The following GFRA1 variants were observed in gnomAD, a reference collection of about 807,000 sequenced individuals.
GFRA1 encodes the protein GDNF family receptor alpha-1.
GFRA1 carries 16 observed loss-of-function variants against 51.6 expected under a neutral mutation model. The ratio of observed to expected loss-of-function variants is 0.31; its 90% confidence interval spans 0.21 to 0.47. The LOEUF is 0.47. Ranked by LOEUF, GFRA1 falls within the 20% of genes least tolerant of loss-of-function variation. GFRA1 has a pLI of 1.00. For missense variants in GFRA1, 530 were observed against 594.3 expected (o/e 0.89, Z 1.13); for synonymous variants, 270 against 241.3 (o/e 1.12, Z -1.10).
intron 9 of GFRA1, among the ~76,000 whole-genome samples, chr10:116,084,647 C>A (rs1057112355): frequency 6.6e-6 from 1 of 152,008 alleles, no homozygotes; most frequent in Non-Finnish European, 1.5e-5. Flanking sequence ...AATCAGAGGT[C>A]GACAAACACC....
At chr10:116,245,974 C>G (rs1259315416) in intron 4 of GFRA1, among the ~76,000 whole-genome samples, 1 of 152,152 alleles carries the variant, frequency 6.6e-6, no homozygotes, top group Non-Finnish European at 1.5e-5. Flanking sequence ...GGCAGTGACA[C>G]TCTTCTGTGT....
intron 2 of GFRA1, 92 bp from the exon 3 acceptor site, chr10:116,271,207 G>A (rs1424316189): frequency 2.7e-6 from 3 of 1,103,216 alleles, no homozygotes; most frequent in South Asian, 3.1e-5. Flanking sequence ...GGTCAGGGAT[G>A]CTTGACCAGC....
intron 5 of GFRA1, among the ~76,000 whole-genome samples, chr10:116,151,549 T>C (rs774312721): frequency 2.6e-5 from 4 of 152,118 alleles, no homozygotes; most frequent in Non-Finnish European, 5.9e-5. Flanking sequence ...AGGAGAGACT[T>C]GAATGAAAAC....
At chr10:116,261,936 T>C (rs1969332384) in intron 4 of GFRA1, among the ~76,000 whole-genome samples, 1 of 152,142 alleles carries the variant, frequency 6.6e-6, no homozygotes. Flanking sequence ...TAAACGATGC[T>C]AGAAGCAGAA....
chr10:116,145,854 A>G (rs908433634), intron 5 of GFRA1, among the ~76,000 whole-genome samples: 4 of 152,232 alleles, frequency 2.6e-5, no homozygotes, highest in African/African-American at 9.6e-5. Context: ...ACACAATGAA[A>G]TACTACAAAT....
rs542749881 is a variant in GFRA1, at chr10:116,215,272, G to A, written c.419-3627C>T. On this transcript the variant is annotated intron_variant, in intron 4 of 10. Transcript: ENST00000355422. ...AATAAAGGAGAAGAAGGCGGTTTCT[G>A]TTCTGTTGGCTACATTTTAACTTCC... Among the ~76,000 whole-genome samples, 333 of 152,294 alleles carry A rather than the reference G, an allele frequency of 2.2e-3. 2 individuals carry two copies. The highest frequency in any genetic ancestry group is 7.4e-3 in the African/African-American group (309 of 41,556).
chr10:116,181,348 A>G (rs951247244), intron 5 of GFRA1, among the ~76,000 whole-genome samples: 2 of 152,040 alleles, frequency 1.3e-5, no homozygotes, highest in Admixed American at 6.5e-5. Context: ...AAAAAGATGC[A>G]CCCACAGGAC....
At chr10:116,134,476 G>T (rs552717449) in intron 5 of GFRA1, among the ~76,000 whole-genome samples, 4 of 152,304 alleles carry the variant, frequency 2.6e-5, no homozygotes, top group African/African-American at 9.6e-5. Flanking sequence ...GATCATACAG[G>T]TTGTGACCCT....
At chr10:116,215,597 C>G (rs940444379) in intron 4 of GFRA1, among the ~76,000 whole-genome samples, 6 of 152,176 alleles carry the variant, frequency 3.9e-5, no homozygotes, top group African/African-American at 1.2e-4. Context: ...AAATGTTTTC[C>G]CATTCCATCG....
intron 9 of GFRA1, among the ~76,000 whole-genome samples, chr10:116,084,368 A>G (rs1035593680): frequency 2.6e-5 from 4 of 152,204 alleles, no homozygotes; most frequent in African/African-American, 7.2e-5. Flanking sequence ...CTGGTCCTCC[A>G]TGTCTCACCC....
Position 116,125,532 on chromosome 10 carries a change from G to A in GFRA1, c.459C>T (p.Asn153=). The A allele has an allele frequency of 6.2e-7, 1 of 1,613,926 alleles. No homozygotes were observed. Among genetic ancestry groups the A allele is most frequent in the Non-Finnish European group, 8.5e-7 (1 of 1,179,948 alleles). ...TGCAGGCCTTCGCTGCATCCAGGCA[G>A]TTGTTCCCTTTGGGAATGTGCTCCA... ...QQVEHIPKGN[N]CLDAAKACNL... is the part of the protein sequence containing the mutation. The change falls in exon 6 of 11, where the codon AAC becomes AAT. Residue 153 remains asparagine, a synonymous_variant. Coordinates refer to ENST00000355422, the MANE Select transcript of GFRA1 (RefSeq NM_005264.8).
Position 116,060,305 on chromosome 10 carries a change from CCCA to C in GFRA1, c.*4090_*4092del, listed in dbSNP as rs1258743770. On this transcript the variant is annotated 3_prime_UTR_variant, in exon 11 of 11. Coordinates refer to ENST00000355422, the MANE Select transcript of GFRA1 (RefSeq NM_005264.8). ...GCTTCTAAGGGTATCCAACCAAATC[CCCA>C]CTTGTTTTATTTTAGAATTTCTAAT... The C allele has an allele frequency of 3.3e-5, 5 of 152,108 alleles. No individual in the cohort carries two copies. In the East Asian group the frequency reaches 9.6e-4, roughly 29 times the overall value. 9.4% of individuals were successfully genotyped at this position (152,108 alleles called of 1,614,324 possible).
chr10:116,071,677 G>C (rs975444792), intron 9 of GFRA1, among the ~76,000 whole-genome samples: 23 of 152,188 alleles, frequency 1.5e-4, no homozygotes, highest in Admixed American at 4.6e-4. Flanking sequence ...TTAGTGCCAA[G>C]CCTAGATCAG....
At chr10:116,236,091 C>T (rs995943591) in intron 4 of GFRA1, among the ~76,000 whole-genome samples, 3 of 152,122 alleles carry the variant, frequency 2.0e-5, no homozygotes, top group Non-Finnish European at 4.4e-5. Flanking sequence ...AAGGTGCCAC[C>T]TCTGTTCTGA....
chr10:116,264,227 C>T (rs2134779799), intron 4 of GFRA1, among the ~76,000 whole-genome samples: 1 of 152,218 alleles, frequency 6.6e-6, no homozygotes, highest in Admixed American at 6.5e-5. Context: ...CACTGGCTCC[C>T]CCTACACCAG....
chr10:116,154,249 G>T (rs556160640), intron 5 of GFRA1, among the ~76,000 whole-genome samples: 1 of 152,130 alleles, frequency 6.6e-6, no homozygotes, highest in South Asian at 2.1e-4. Flanking sequence ...GTGTCTATAC[G>T]TTCACCAAAA....
intron 6 of GFRA1, among the ~76,000 whole-genome samples, chr10:116,106,729 T>C (rs1957021482): frequency 6.6e-6 from 1 of 151,720 alleles, no homozygotes; most frequent in Non-Finnish European, 1.5e-5. Flanking sequence ...CTTCCATCTT[T>C]CACCACTTGA....
chr10:116,270,432 A>G (rs933054080), intron 3 of GFRA1, among the ~76,000 whole-genome samples: 1 of 152,208 alleles, frequency 6.6e-6, no homozygotes, highest in African/African-American at 2.4e-5. Context: ...GGGAGTCCAG[A>G]CCAGATGCAG....
At chr10:116,117,558 T>TGGATGGAG (rs1957468357) in intron 6 of GFRA1, among the ~76,000 whole-genome samples, 1 of 26,716 alleles carries the variant, frequency 3.7e-5, no homozygotes, top group Non-Finnish European at 6.9e-5. Flanking sequence ...GGTGGGTGTG[T>TGGATGGAG]GGATGGATGG....
Sources: gnomAD v4.1 joint callset for allele counts (sites outside exome capture counted in the v4.1 genomes callset) on GRCh38, gnomAD v4.1.1 for gene constraint, MANE v1.5 for transcripts, NCBI Gene and HGNC (gene_info 2026-07-23, HGNC 2026-07-21) for gene names.